RRM2: variants seen among roughly 807,000 people sequenced by gnomAD.
RRM2 encodes the protein ribonucleoside-diphosphate reductase subunit M2.
A neutral mutation model predicts 45.9 loss-of-function variants in RRM2; 6 were observed. The observed-to-expected ratio is 0.13, with a 90% confidence interval of 0.07 to 0.26. The LOEUF (loss-of-function observed/expected upper bound fraction) is 0.26, where lower values mean the gene tolerates loss of function less well. Among genes scored for constraint, RRM2 ranks in the 10% least tolerant of loss-of-function variants. The pLI, the probability that RRM2 is intolerant of heterozygous loss-of-function variation, is 1.00. For missense variants in RRM2, 343 were observed against 489.5 expected (o/e 0.70, Z 2.82); for synonymous variants, 177 against 173.0 (o/e 1.02, Z -0.18).
chr2:10,155,424 G>A (rs2125316593), intron 3 of RRM2, among the ~76,000 whole-genome samples: 1 of 152,292 alleles, frequency 6.6e-6, no homozygotes, highest in African/African-American at 2.4e-5. Flanking sequence ...TGAGCCAGGG[G>A]GCAGCCCGGA....
chr2:10,123,861 C>A lies in RRM2; in HGVS notation c.435+9C>A. The A allele has an allele frequency of 7.1e-7, 1 of 1,414,936 alleles. No individual in the cohort carries two copies. The highest frequency in any genetic ancestry group is 1.0e-6 in the Non-Finnish European group (1 of 999,466). 87.6% of individuals were successfully genotyped at this position (1,414,936 alleles called of 1,614,324 possible). On this transcript the variant is annotated intron_variant, in intron 4 of 9. Transcript: ENST00000304567. ...TAGTAAATGAAAACTTGGTGAGTTT[C>A]CAAAACATCTTTCATTCATTTGACG... is the stretch of plus-strand genomic sequence containing the variant.
At chr2:10,188,720 G>C (rs919700349) in intron 3 of RRM2, among the ~76,000 whole-genome samples, 7 of 152,084 alleles carry the variant, frequency 4.6e-5, no homozygotes, top group African/African-American at 1.7e-4. Context: ...CCGAGGCATG[G>C]GGGGCATTTG....
rs117310521 is a variant in RRM2 at position 10,178,657 on chromosome 2, A to G, written n.483-31654A>G. Among the ~76,000 whole-genome samples the G allele has an allele frequency of 5.9e-4, 90 of 152,260 alleles. 3 individuals are homozygous for G. The East Asian group carries it at 0.016, about 28-fold the overall frequency. On this transcript the variant is annotated intron_variant and non_coding_transcript_variant, in intron 3 of 3. Transcript: ENST00000381786. ...ATCAAGCAACTAGTAACCTTTTGGGATTGGCTTTTTGCAGTCGGCATAGTT... is the reference window on the plus strand; with the variant it reads ...ATCAAGCAACTAGTAACCTTTTGGGGTTGGCTTTTTGCAGTCGGCATAGTT...
At chr2:10,158,664 T>G (rs1350270624) in intron 3 of RRM2, among the ~76,000 whole-genome samples, 1 of 152,124 alleles carries the variant, frequency 6.6e-6, no homozygotes, top group Non-Finnish European at 1.5e-5. Flanking sequence ...CTCACTAATT[T>G]CATTTTCTGT....
In RRM2 at chr2:10,205,251, G is replaced by A. The variant is rs920111804; in HGVS notation, n.483-5060G>A. Among the ~76,000 whole-genome samples, 1 of 152,204 alleles carries A rather than the reference G, an allele frequency of 6.6e-6. No homozygotes were observed. The highest frequency in any genetic ancestry group is 1.5e-5 in the Non-Finnish European group (1 of 68,046). On this transcript the variant is annotated intron_variant and non_coding_transcript_variant, in intron 3 of 3. Coordinates refer to the RRM2 transcript ENST00000381786. The surrounding 1 kb of genome is among the most constrained non-coding windows in gnomAD (Gnocchi z 4.8). ...GCGGTGAGTGGGGCTCGGTATTGACGATCAGCGAACAGTCTCCTGGGGAGT... is the reference window on the plus strand; with the variant it reads ...GCGGTGAGTGGGGCTCGGTATTGACAATCAGCGAACAGTCTCCTGGGGAGT...
intron 3 of RRM2, among the ~76,000 whole-genome samples, chr2:10,208,261 C>T (rs1384242839): frequency 2.6e-5 from 4 of 152,064 alleles, no homozygotes; most frequent in African/African-American, 9.7e-5. Flanking sequence ...CTGAGACCAC[C>T]CAGTCCTAAG....
chr2:10,176,719 C>T (rs1235401437), intron 3 of RRM2, among the ~76,000 whole-genome samples: 2 of 152,162 alleles, frequency 1.3e-5, no homozygotes, highest in African/African-American at 4.8e-5. Context: ...TTAAGGATTC[C>T]ATTGTATGAA....
intron 3 of RRM2, among the ~76,000 whole-genome samples, chr2:10,178,106 G>C (rs183386807): frequency 1.3e-5 from 2 of 151,266 alleles, no homozygotes; most frequent in African/African-American, 4.9e-5. Flanking sequence ...TTTCGTATTC[G>C]TAGTAGAGAC....
chr2:10,141,696 C>A, intron 1 of RRM2: 1 of 1,081,010 alleles, frequency 9.3e-7, no homozygotes, highest in Non-Finnish European at 1.3e-6. Flanking sequence ...AGACCTCGAC[C>A]TGTTCTTGGG....
intron 2 of RRM2, 156 bp from the exon 3 acceptor site, chr2:10,123,231 C>A: frequency 1.6e-6 from 2 of 1,268,520 alleles, no homozygotes; most frequent in South Asian, 1.5e-5. Context: ...TTCGGGCGTG[C>A]GCTCCTCTGC....
intron 3 of RRM2, chr2:10,146,279 G>C (rs1663184534): frequency 6.6e-6 from 1 of 152,364 alleles, no homozygotes; most frequent in Middle Eastern, 3.4e-3. Flanking sequence ...CATGCCCTGG[G>C]CTGCCTCTTT....
chr2:10,125,019 TTTA>T, intron 5 of RRM2, 169 bp downstream of exon 5: 2 of 554,320 alleles, frequency 3.6e-6, no homozygotes, highest in Non-Finnish European at 3.1e-6. Context: ...CTAAATGCAC[TTTA>T]TTATTCACTT....
At chr2:10,202,493 C>G (rs1664585271) in intron 3 of RRM2, among the ~76,000 whole-genome samples, 1 of 152,194 alleles carries the variant, frequency 6.6e-6, no homozygotes, top group African/African-American at 2.4e-5. Context: ...CTCTCAGGGG[C>G]ACTCTCTCTT....
At chr2:10,154,471 G>A (rs1663382388) in intron 3 of RRM2, among the ~76,000 whole-genome samples, 2 of 139,228 alleles carry the variant, frequency 1.4e-5, no homozygotes, top group South Asian at 4.6e-4. Flanking sequence ...TTGCACTCCA[G>A]CCTGGGTGAC....
At chr2:10,136,731 C>T (rs1305717464), upstream of RRM2, among the ~76,000 whole-genome samples, 3 of 152,198 alleles carry the variant, frequency 2.0e-5, no homozygotes, top group East Asian at 5.8e-4. Context: ...CATGCTTGCA[C>T]CACTGCACTC....
rs1184258791 is a variant in RRM2 at position 10,126,184 on chromosome 2, AAAAAAAAAGC to A, written c.570-690_570-681del. Among the ~76,000 whole-genome samples, 15 of 50,366 alleles carry A rather than the reference AAAAAAAAAGC, an allele frequency of 3.0e-4. 1 individual carries two copies. Among genetic ancestry groups the A allele is most frequent in the African/African-American group, 1.1e-3 (12 of 11,122 alleles). 33.0% of individuals were successfully genotyped at this position (50,366 alleles called of 152,430 possible). A position where few individuals can be genotyped will look rare whatever the true frequency, so the allele number is the denominator to read the frequency against. ...CTTTAAAAAAAAAAAAAAAAAAAAA[AAAAAAAAAGC>A]TGCCCAATGTCTGGTGCCCTTGGCT... On this transcript the variant is annotated intron_variant, in intron 5 of 9. Transcript: ENST00000304567.
At position 10,185,982 on chromosome 2, in the gene RRM2, T is replaced by C. The variant is rs1007057245; in HGVS notation, n.483-24329T>C. ...AGAGGCAGGTCCAGCATACTTTGAA[T>C]GTTGTTATGAAGTCCAGTGGAGAAG... On this transcript the variant is annotated intron_variant and non_coding_transcript_variant, in intron 3 of 3. Transcript: ENST00000381786. This position sits in a 1 kb window ranked among gnomAD's most constrained non-coding sequence, Gnocchi z 4.3. Among the ~76,000 whole-genome samples, 40 of 152,200 alleles carry C rather than the reference T, an allele frequency of 2.6e-4. No individual in the cohort carries two copies. The highest frequency in any genetic ancestry group is 9.4e-4 in the African/African-American group (39 of 41,458).
rs187995249 is a variant in RRM2 at position 10,196,277 on chromosome 2, C to T, written n.483-14034C>T. ...GGGTGGGGTGGGCCACGAGCCCCCA[C>T]CAACTGCAGGCCCACGGCTCAGCAG... On this transcript the variant is annotated intron_variant and non_coding_transcript_variant, in intron 3 of 3. Transcript: ENST00000381786. Among the ~76,000 whole-genome samples the T allele has an allele frequency of 3.2e-3, 491 of 152,316 alleles. 1 individual carries two copies. Among genetic ancestry groups the T allele is most frequent in the Non-Finnish European group, 4.8e-3 (326 of 68,018 alleles).
intron 3 of RRM2, among the ~76,000 whole-genome samples, chr2:10,193,928 A>G (rs971146096): frequency 2.6e-5 from 4 of 152,292 alleles, no homozygotes; most frequent in African/African-American, 4.8e-5. Flanking sequence ...CATTTAGATT[A>G]TGGCTGCTCC....
Sources: allele counts gnomAD v4.1 joint callset (sites outside exome capture counted in the v4.1 genomes callset), GRCh38; gene constraint gnomAD v4.1.1; non-coding constraint Gnocchi (gnomAD v3.1); transcripts MANE v1.5; gene names NCBI Gene and HGNC (gene_info 2026-07-23, HGNC 2026-07-21).